The following DBX2 variants were observed in gnomAD, a reference collection of about 807,000 sequenced individuals.
DBX2 encodes homeobox protein DBX2.
In DBX2, 16 loss-of-function variants were observed where a neutral mutation model predicts 17.7. The ratio of observed to expected loss-of-function variants is 0.90; its 90% CI spans 0.61 to 1.37. The LOEUF (loss-of-function observed/expected upper bound fraction) is 1.37, where lower values mean the gene tolerates loss of function less well. DBX2 is among the 40% of genes most tolerant of loss of function. DBX2 has a pLI of 0.00. For missense variants in DBX2, 538 were observed against 433.8 expected, an observed-to-expected ratio of 1.24 and a Z score of -2.13; for synonymous variants, 255 against 183.8, an observed-to-expected ratio of 1.39 and a Z score of -3.13.
At position 45,015,419 on chromosome 12, in the gene DBX2, G is replaced by C. The variant is rs1355107368; in HGVS notation, c.*867C>G. 2.0e-5 allele frequency: 3 copies of C among 152,096 alleles called. No homozygotes were observed. Among genetic ancestry groups the C allele is most frequent in the Non-Finnish European group, 4.4e-5 (3 of 68,014 alleles). The allele number at this position is 152,096 out of a possible 1,614,324, so 9.4% of individuals were successfully genotyped here. A position where few individuals can be genotyped will look rare whatever the true frequency, so the allele number is the denominator to read the frequency against. The stretch of plus-strand genomic sequence containing the variant: ...ACAAACTTCTTGGCATAGACATTTT[G>C]TTTGGCCAATACAGTATTTGAAAAA... On this transcript the variant is annotated 3_prime_UTR_variant, in exon 4 of 4. Coordinates refer to ENST00000332700, the MANE Select transcript of DBX2 (RefSeq NM_001004329.3).
intron 1 of DBX2, among the ~76,000 whole-genome samples, chr12:45,038,801 G>C (rs1037337603): frequency 9.2e-5 from 14 of 151,892 alleles, no homozygotes; most frequent in African/African-American, 3.1e-4. Context: ...TCTTAATGCT[G>C]AATTTAACCA....
intron 1 of DBX2, among the ~76,000 whole-genome samples, chr12:45,043,971 G>A (rs550096633): frequency 1.4e-4 from 22 of 152,188 alleles, no homozygotes; most frequent in Non-Finnish European, 2.9e-4. Flanking sequence ...TACAGAATCA[G>A]TAATCTGAAG....
chr12:45,024,064 T>C (rs1412256247), intron 2 of DBX2, among the ~76,000 whole-genome samples, 170 bp from the exon 3 acceptor site: 3 of 152,198 alleles, frequency 2.0e-5, no homozygotes, highest in African/African-American at 4.8e-5. Flanking sequence ...TGGACTCTCA[T>C]CTTGAATTGT....
In DBX2 at chr12:45,027,348, A is replaced by C. The variant is rs374349025; in HGVS notation, c.500-3454T>G. Among the ~76,000 whole-genome samples, 42 of 152,350 alleles carry C rather than the reference A, an allele frequency of 2.8e-4. 1 individual carries two copies. The East Asian group carries it at 7.7e-3, about 28-fold the overall frequency. ...GAGCAGTCAAGGTCCAAAGACACGC[A>C]AAGGACTTAGAGCAAAGCTGGCACC... is the stretch of plus-strand genomic sequence containing the variant. On this transcript the variant is annotated intron_variant, in intron 2 of 3. Coordinates refer to ENST00000332700, the MANE Select transcript of DBX2 (RefSeq NM_001004329.3).
chr12:45,024,790 T>C (rs1256828656), intron 2 of DBX2, among the ~76,000 whole-genome samples: 1 of 152,052 alleles, frequency 6.6e-6, no homozygotes, highest in Non-Finnish European at 1.5e-5. Context: ...AAACAAGGGG[T>C]CTGACATAAA....
At chr12:45,030,368 A>G (rs1946403103) in intron 2 of DBX2, among the ~76,000 whole-genome samples, 1 of 152,242 alleles carries the variant, frequency 6.6e-6, no homozygotes, top group African/African-American at 2.4e-5. Context: ...ACAGCTTGCC[A>G]GTAATGTGTG....
chr12:45,019,091 T>C (rs368276479), intron 3 of DBX2, among the ~76,000 whole-genome samples: 3 of 152,016 alleles, frequency 2.0e-5, no homozygotes, highest in African/African-American at 7.2e-5. Flanking sequence ...ACAGTGTCAG[T>C]GTACTTAATG....
intron 2 of DBX2, among the ~76,000 whole-genome samples, chr12:45,027,761 G>A (rs141039921): frequency 1.6e-4 from 25 of 152,330 alleles, no homozygotes; most frequent in Admixed American, 1.6e-3. Context: ...CATGTTTTAA[G>A]TTTGGTTCTA....
chr12:45,030,616 C>A (rs1419440898), intron 2 of DBX2, among the ~76,000 whole-genome samples: 1 of 152,202 alleles, frequency 6.6e-6, no homozygotes, highest in Non-Finnish European at 1.5e-5. Flanking sequence ...CTGGGCTACC[C>A]TGAGGTAGGC....
intron 1 of DBX2, among the ~76,000 whole-genome samples, chr12:45,037,700 A>G (rs2137028081): frequency 6.6e-6 from 1 of 152,192 alleles, no homozygotes; most frequent in Middle Eastern, 3.4e-3. Flanking sequence ...GTTTATATTT[A>G]TTTTCACAAT....
chr12:45,039,357 T>C (rs2137029212), intron 1 of DBX2, among the ~76,000 whole-genome samples: 1 of 147,236 alleles, frequency 6.8e-6, no homozygotes, highest in East Asian at 2.0e-4. Flanking sequence ...ACCATATACT[T>C]TTTTTAAGTA....
At chr12:45,039,306 TA>T (rs2137029100) in intron 1 of DBX2, among the ~76,000 whole-genome samples, 1 of 100,042 alleles carries the variant, frequency 1.0e-5, no homozygotes, top group Non-Finnish European at 1.8e-5. Context: ...TATATATATA[TA>T]TATATATATA....
At chr12:45,027,507 A>G (rs1374879066) in intron 2 of DBX2, among the ~76,000 whole-genome samples, 3 of 152,256 alleles carry the variant, frequency 2.0e-5, no homozygotes, top group Non-Finnish European at 4.4e-5. Context: ...TCCACTGGTA[A>G]AGAAATGCAT....
At chr12:45,025,856 G>A (rs745786755) in intron 2 of DBX2, among the ~76,000 whole-genome samples, 5 of 150,274 alleles carry the variant, frequency 3.3e-5, no homozygotes, top group South Asian at 2.1e-4. Flanking sequence ...GAACAATACC[G>A]TTTAAGAGAG....
intron 2 of DBX2, among the ~76,000 whole-genome samples, chr12:45,034,667 T>C (rs1013227003): frequency 1.3e-5 from 2 of 152,210 alleles, no homozygotes; most frequent in Non-Finnish European, 2.9e-5. Flanking sequence ...ACTAAATCCC[T>C]TTTCAGGTAG....
chr12:45,029,876 AT>A (rs533928190), intron 2 of DBX2, among the ~76,000 whole-genome samples: 1 of 113,248 alleles, frequency 8.8e-6, no homozygotes, highest in African/African-American at 3.7e-5. Flanking sequence ...AAAAAAAATA[AT>A]AAAAATAAAT....
chr12:45,015,887 T>C lies in DBX2; in HGVS notation c.*399A>G, dbSNP rs933876564. ...CAAAAAGTTAATAACATTCTGTCAATGGTAGTTTTCTTCACATAAAAGGAA... is the reference window on the plus strand; with the variant it reads ...CAAAAAGTTAATAACATTCTGTCAACGGTAGTTTTCTTCACATAAAAGGAA... On this transcript the variant is annotated 3_prime_UTR_variant, in exon 4 of 4. Coordinates refer to ENST00000332700, the MANE Select transcript of DBX2 (RefSeq NM_001004329.3). 1 of 155,150 alleles carries C rather than the reference T, an allele frequency of 6.4e-6. No homozygotes were observed. Among genetic ancestry groups the C allele is most frequent in the Non-Finnish European group, 1.4e-5 (1 of 70,130 alleles). The allele number at this position is 155,150 out of a possible 1,614,324, so 9.6% of individuals were successfully genotyped here.
chr12:45,038,836 CTATTA>C lies in DBX2; in HGVS notation c.404-2727_404-2723del, dbSNP rs201731091. Among the ~76,000 whole-genome samples, 1,006 of 152,030 alleles carry C rather than the reference CTATTA, an allele frequency of 6.6e-3. 7 individuals carry two copies. Among genetic ancestry groups the C allele is most frequent in the African/African-American group, 0.023 (959 of 41,518 alleles). The stretch of plus-strand genomic sequence containing the variant: ...AGAAAAACCATTTTAATTGAATAGT[CTATTA>C]TATCTCTCTACATTACCCTATCTTA... On this transcript the variant is annotated intron_variant, in intron 1 of 3. Transcript: ENST00000332700.
intron 1 of DBX2, among the ~76,000 whole-genome samples, chr12:45,038,272 G>T (rs1348371137): frequency 6.6e-6 from 1 of 151,380 alleles, no homozygotes; most frequent in Non-Finnish European, 1.5e-5. Context: ...GATGGCTCTT[G>T]CACTGTTTTG....
Sources: allele counts gnomAD v4.1 joint callset (sites outside exome capture counted in the v4.1 genomes callset), GRCh38; gene constraint gnomAD v4.1.1; transcripts MANE v1.5; gene names NCBI Gene and HGNC (gene_info 2026-07-23, HGNC 2026-07-21).